Variants in RBM26 observed in about 807,000 individuals in gnomAD.
RBM26 encodes the protein RNA binding motif protein 26.
A neutral mutation model predicts 123.6 loss-of-function variants in RBM26; 30 were observed. The ratio of observed to expected loss-of-function variants is 0.24; its 90% CI spans 0.18 to 0.33. The LOEUF (loss-of-function observed/expected upper bound fraction) is 0.33. Among genes scored for constraint, RBM26 ranks in the 10% least tolerant of loss-of-function variants. The probability of loss-of-function intolerance (pLI) is 1.00; values close to 1 mark genes in which losing one functional copy is unlikely to be tolerated. For synonymous variants in RBM26, 400 were observed against 404.4 expected, an observed-to-expected ratio of 0.99 and a Z score of 0.13; for missense variants, 947 against 1,203.6, an observed-to-expected ratio of 0.79 and a Z score of 3.15.
rs372667365 is a variant in RBM26, at chr13:79,342,736, G to A, written c.2355C>T (p.Thr785=). ...CAGCTTTGACCTCATCTTTCAACTT[G>A]GTAATATTTTTTGTCAAAACCTCTA... ...KTLEVLTKNI[T]KLKDEVKAAS... The change falls in exon 17 of 22, where the codon ACC becomes ACT. Residue 785 remains threonine, a synonymous_variant. Coordinates refer to ENST00000438737, the MANE Select transcript of RBM26 (RefSeq NM_001366735.2). 3 of 1,611,162 alleles carry A rather than the reference G, an allele frequency of 1.9e-6. No individual in the cohort carries two copies. The highest frequency in any genetic ancestry group is 2.2e-5 in the East Asian group (1 of 44,724).
At chr13:79,344,170 T>C in intron 16 of RBM26, 78 bp downstream of exon 16, 1 of 886,842 alleles carries the variant, frequency 1.1e-6, no homozygotes, top group Non-Finnish European at 1.9e-6. Context: ...AATCTTTTTA[T>C]GACTAGGTAG....
At chr13:79,379,227 T>C (rs567170681) in intron 1 of RBM26, among the ~76,000 whole-genome samples, 3 of 151,900 alleles carry the variant, frequency 2.0e-5, no homozygotes, top group African/African-American at 7.2e-5. Context: ...TAAGAAGAGA[T>C]AAATTATGCA....
rs1357625138 is a variant in RBM26 at position 79,392,051 on chromosome 13, AT to A, written c.72-13145del. On this transcript the variant is annotated intron_variant, in intron 1 of 21. Transcript: ENST00000438737. ...ATAATTATATATTATACAATACATT[AT>A]TATATAATTATGTATTATACAATAA... is the stretch of plus-strand genomic sequence containing the variant. Among the ~76,000 whole-genome samples, 270 of 37,080 alleles carry A rather than the reference AT, an allele frequency of 7.3e-3. 14 individuals are homozygous for A. The highest frequency in any genetic ancestry group is 0.017 in the African/African-American group (239 of 14,358). The allele number at this position is 37,080 out of a possible 152,430, so 24.3% of individuals were successfully genotyped here.
intron 1 of RBM26, among the ~76,000 whole-genome samples, chr13:79,396,072 T>C (rs1191451961): frequency 6.6e-6 from 1 of 151,914 alleles, no homozygotes; most frequent in Non-Finnish European, 1.5e-5. Context: ...AGGAATTGAA[T>C]CTTAAAGGTA....
At chr13:79,361,958 C>T (rs1346574482) in intron 9 of RBM26, among the ~76,000 whole-genome samples, 1 of 152,138 alleles carries the variant, frequency 6.6e-6, no homozygotes, top group Non-Finnish European at 1.5e-5. Flanking sequence ...GTCAGACCTA[C>T]AGATTTTGGT....
At chr13:79,359,795 TA>T in intron 9 of RBM26, 109 bp from the exon 10 acceptor site, 1 of 206,368 alleles carries the variant, frequency 4.8e-6, no homozygotes, top group Non-Finnish European at 8.9e-6. Flanking sequence ...TCTAAATATA[TA>T]TATATATATA....
chr13:79,397,639 G>A (rs979404649), intron 1 of RBM26, among the ~76,000 whole-genome samples: 5 of 119,302 alleles, frequency 4.2e-5, no homozygotes, highest in Non-Finnish European at 4.8e-5. Context: ...CTGAGATCAC[G>A]CCACTGCAAT....
At chr13:79,368,033 T>TA (rs767794532) in intron 6 of RBM26, among the ~76,000 whole-genome samples, 66 of 90,786 alleles carry the variant, frequency 7.3e-4, no homozygotes, top group Non-Finnish European at 1.4e-3. Context: ...TTTTTTATTT[T>TA]TATTTTTTTT....
At position 79,368,729 on chromosome 13, in the gene RBM26, C is replaced by T. The variant is rs769380711; in HGVS notation, c.895+1G>A. 1 of 1,611,602 alleles carries T rather than the reference C, an allele frequency of 6.2e-7. No individual in the cohort carries two copies. The highest frequency in any genetic ancestry group is 8.5e-7 in the Non-Finnish European group (1 of 1,178,286). On this transcript the variant is annotated splice_donor_variant, in intron 6 of 21. Transcript: ENST00000438737. LOFTEE classifies it high-confidence loss of function. Reference sequence around the variant, plus strand: ...CTTTATCAAACAGCTGAAAGACTTACCATCATAGTCTCTACACCGTTTCTT... The same window carrying T: ...CTTTATCAAACAGCTGAAAGACTTATCATCATAGTCTCTACACCGTTTCTT...
intron 14 of RBM26, 151 bp downstream of exon 14, chr13:79,353,002 C>A: frequency 4.6e-6 from 2 of 437,400 alleles, no homozygotes; most frequent in East Asian, 3.4e-5. Context: ...AAATATTTTT[C>A]TTTTTCAGCA....
At chr13:79,377,867 C>G (rs530408976) in intron 2 of RBM26, among the ~76,000 whole-genome samples, 12 of 152,080 alleles carry the variant, frequency 7.9e-5, no homozygotes, top group Admixed American at 6.5e-5. Context: ...GAGATCGCGC[C>G]ACTGCACTCA....
At chr13:79,393,726 G>A (rs530014813) in intron 1 of RBM26, among the ~76,000 whole-genome samples, 2 of 152,298 alleles carry the variant, frequency 1.3e-5, no homozygotes, top group Non-Finnish European at 2.9e-5. Context: ...AGATCACCTT[G>A]TGGGGGTGGG....
rs566962845 is a variant in RBM26 at position 79,326,480 on chromosome 13, T to C, written c.2821-4018A>G. On this transcript the variant is annotated intron_variant, in intron 20 of 21. Transcript: ENST00000438737. ...CCACAAAATATGAAAGGGGGGGAAATAGTATCAGATGAAGATAAAATTTGC... is the reference window on the plus strand; with the variant it reads ...CCACAAAATATGAAAGGGGGGGAAACAGTATCAGATGAAGATAAAATTTGC... Among the ~76,000 whole-genome samples, 65 of 152,058 alleles carry C rather than the reference T, an allele frequency of 4.3e-4. 2 individuals carry two copies. The South Asian group carries it at 0.012, about 29-fold the overall frequency.
rs139865163 is a variant in RBM26 at position 79,354,135 on chromosome 13, C to T, written c.1986+304G>A. On this transcript the variant is annotated intron_variant, in intron 13 of 21. Coordinates refer to ENST00000438737, the MANE Select transcript of RBM26 (RefSeq NM_001366735.2). ...ATAAGATTTAATGTACTCAACTTCA[C>T]TCTTCGGGCAGTTTTGCTGACATGT... 7.5e-3 allele frequency among the ~76,000 whole-genome samples: 1,143 copies of T among 152,196 alleles called. 14 individuals carry two copies. Among genetic ancestry groups the T allele is most frequent in the African/African-American group, 0.026 (1,081 of 41,518 alleles).
downstream of RBM26, among the ~76,000 whole-genome samples, chr13:79,315,590 A>G (rs899359815): frequency 2.0e-5 from 3 of 151,890 alleles, no homozygotes; most frequent in African/African-American, 7.2e-5. Context: ...GGAAATGAGT[A>G]GATGGATGAA....
chr13:79,364,847 G>A (rs1481073550), intron 9 of RBM26, among the ~76,000 whole-genome samples: 1 of 151,834 alleles, frequency 6.6e-6, no homozygotes, highest in African/African-American at 2.4e-5. Context: ...AAAAATATAC[G>A]CAAACTAATA....
chr13:79,349,759 G>A (rs1485457164), intron 14 of RBM26, among the ~76,000 whole-genome samples: 1 of 151,212 alleles, frequency 6.6e-6, no homozygotes, highest in Non-Finnish European at 1.5e-5. Flanking sequence ...GGGTGCAGTG[G>A]CGCCATCTCG....
intron 20 of RBM26, among the ~76,000 whole-genome samples, chr13:79,326,437 G>A (rs756509070): frequency 6.6e-5 from 10 of 152,010 alleles, no homozygotes; most frequent in Non-Finnish European, 1.3e-4. Context: ...AGGTGAAAGT[G>A]GACCTAAATG....
chr13:79,404,130 T>C (rs9545106), intron 1 of RBM26, among the ~76,000 whole-genome samples: 76,706 of 151,926 alleles, frequency 0.5, 19,768 homozygotes, highest in Middle Eastern at 0.6. Context: ...CTATCACACT[T>C]AGCTGTATCC....
Sources: allele counts gnomAD v4.1 joint callset (sites outside exome capture counted in the v4.1 genomes callset), GRCh38; gene constraint gnomAD v4.1.1; transcripts MANE v1.5; gene names NCBI Gene and HGNC (gene_info 2026-07-23, HGNC 2026-07-21).